Variants in NCOR2 observed in about 807,000 individuals in gnomAD.
NCOR2 encodes nuclear receptor corepressor 2, also known as CTG repeat protein 26.
A neutral mutation model predicts 262.9 loss-of-function variants in NCOR2; 81 were observed. The ratio of observed to expected loss-of-function variants is 0.31; its 90% CI spans 0.26 to 0.37. The LOEUF is 0.37. NCOR2 is among the 10% of genes least tolerant of loss of function. The pLI is 1.00. For synonymous variants in NCOR2, 1,659 were observed against 1,559.3 expected (o/e 1.06, Z -1.51); for missense variants, 3,385 against 3,621.4 (o/e 0.93, Z 1.68).
intron 4 of NCOR2, among the ~76,000 whole-genome samples, chr12:124,467,234 C>G (rs1307481673): frequency 1.1e-5 from 1 of 93,190 alleles, no homozygotes; most frequent in Non-Finnish European, 2.2e-5. Flanking sequence ...CATCACCCCC[C>G]TCATCTTCAT....
intron 8 of NCOR2, 54 bp downstream of exon 10, chr12:124,437,876 T>A: frequency 6.4e-7 from 1 of 1,551,204 alleles, no homozygotes; most frequent in Non-Finnish European, 8.8e-7. Context: ...CCCTGTGCGC[T>A]CGATTCTCCC....
intron 1 of NCOR2, among the ~76,000 whole-genome samples, chr12:124,550,917 C>A (rs907685389): frequency 2.0e-4 from 30 of 152,362 alleles, no homozygotes; most frequent in African/African-American, 7.2e-4. Context: ...CTTCCCATGG[C>A]AAGCACCAAG....
intron 27 of NCOR2, 128 bp from the exon 30 acceptor site, chr12:124,350,865 G>T: frequency 1.1e-6 from 1 of 949,124 alleles, no homozygotes; most frequent in South Asian, 1.7e-5. Flanking sequence ...CACACACACT[G>T]TCTCAAATAG....
intron 13 of NCOR2, among the ~76,000 whole-genome samples, chr12:124,412,237 T>G (rs1027604101): frequency 1.3e-5 from 2 of 152,244 alleles, no homozygotes; most frequent in African/African-American, 4.8e-5. Context: ...TTCAGAAACG[T>G]AACCATCGAA....
chr12:124,346,474 T>C (rs1744503049), intron 31 of NCOR2, 90 bp downstream of exon 33: 1 of 1,330,418 alleles, frequency 7.5e-7, no homozygotes. Flanking sequence ...TCAGCCTCGG[T>C]TTCCCCATGT....
At chr12:124,456,323 T>G (rs144006978) in intron 6 of NCOR2, among the ~76,000 whole-genome samples, 143 of 152,324 alleles carry the variant, frequency 9.4e-4, no homozygotes, top group African/African-American at 3.4e-3. Flanking sequence ...ACCAGCTCAG[T>G]GGGCACAGAT....
chr12:124,352,188 T>C (rs2037541854), intron 27 of NCOR2, among the ~76,000 whole-genome samples: 1 of 152,152 alleles, frequency 6.6e-6, no homozygotes, highest in Non-Finnish European at 1.5e-5. Context: ...AGCACAGGAT[T>C]CCTGCAGCAT....
chr12:124,367,564 G>T (rs550688995), intron 20 of NCOR2, among the ~76,000 whole-genome samples: 1 of 152,142 alleles, frequency 6.6e-6, no homozygotes, highest in African/African-American at 2.4e-5. Context: ...CTGGAGGAGC[G>T]CCACCTCCAG....
rs907250654 is a variant in NCOR2, at chr12:124,481,060, G to A, written c.411+2536C>T. On this transcript the variant is annotated intron_variant, in intron 3 of 46. Coordinates refer to ENST00000405201, the Ensembl canonical transcript of NCOR2. The surrounding 1 kb of genome is among the most constrained non-coding windows in gnomAD (Gnocchi z 4.6). ...CTCTGTGGTAGGGAGGTTGCCCCAG[G>A]GGATGAGCAGGGAGAGATGGCAGGA... Among the ~76,000 whole-genome samples the A allele has an allele frequency of 6.6e-6, 1 of 151,812 alleles. No homozygotes were observed. Among genetic ancestry groups the A allele is most frequent in the Non-Finnish European group, 1.5e-5 (1 of 67,900 alleles).
chr12:124,464,148 C>CGGAG (rs1213954112), intron 5 of NCOR2, among the ~76,000 whole-genome samples: 1 of 151,588 alleles, frequency 6.6e-6, no homozygotes, highest in Non-Finnish European at 1.5e-5. Flanking sequence ...CTGAAAACTC[C>CGGAG]TTTTCCTGAA....
intron 7 of NCOR2, among the ~76,000 whole-genome samples, chr12:124,445,914 C>T (rs778544168): frequency 1.3e-5 from 2 of 152,212 alleles, no homozygotes; most frequent in Non-Finnish European, 2.9e-5. Context: ...TTAGTGAGCA[C>T]GTCTGAAACT....
chr12:124,450,087 C>T (rs191899978), intron 6 of NCOR2, among the ~76,000 whole-genome samples: 1 of 152,216 alleles, frequency 6.6e-6, no homozygotes, highest in African/African-American at 2.4e-5. Flanking sequence ...ACTGTGACCA[C>T]CCCCACCAAG....
chr12:124,455,289 T>A (rs1468246093), intron 6 of NCOR2, among the ~76,000 whole-genome samples: 2 of 152,214 alleles, frequency 1.3e-5, no homozygotes, highest in African/African-American at 2.4e-5. Flanking sequence ...AAGCAGCAGC[T>A]GCTGCTGCTG....
intron 1 of NCOR2, among the ~76,000 whole-genome samples, chr12:124,557,455 C>T (rs1457176985): frequency 6.6e-6 from 1 of 152,226 alleles, no homozygotes; most frequent in Admixed American, 6.5e-5. Flanking sequence ...TATCGCACGG[C>T]CTTCTCCTCT....
At chr12:124,534,663 C>T (rs888581489) in intron 1 of NCOR2, among the ~76,000 whole-genome samples, 2 of 152,180 alleles carry the variant, frequency 1.3e-5, no homozygotes, top group African/African-American at 2.4e-5. Flanking sequence ...ATGCCCTCAG[C>T]GACCATCTGC....
Position 124,356,881 on chromosome 12 carries a change from C to G in NCOR2, c.3101-99G>C. 3 of 1,348,794 alleles carry G rather than the reference C, an allele frequency of 2.2e-6. No homozygotes were observed. The South Asian group carries it at 5.5e-5, about 25-fold the overall frequency. The allele number at this position is 1,348,794 out of a possible 1,614,324, so 83.6% of individuals were successfully genotyped here. ...TACACAAATGGCCTTCCTGCACCCA[C>G]AGTAGTGGTGGCCTGTGACGGCCTG... On this transcript the variant is annotated intron_variant, in intron 22 of 46. Transcript: ENST00000405201.
At chr12:124,330,653 G>T (rs1226604590) in intron 44 of NCOR2, among the ~76,000 whole-genome samples, 192 bp downstream of exon 46, 2 of 152,214 alleles carry the variant, frequency 1.3e-5, no homozygotes, top group Non-Finnish European at 2.9e-5. Context: ...CGAGGATCCT[G>T]TCTACACAGG....
At chr12:124,437,247 C>T (rs1159558124) in intron 8 of NCOR2, among the ~76,000 whole-genome samples, 1 of 152,216 alleles carries the variant, frequency 6.6e-6, no homozygotes, top group Non-Finnish European at 1.5e-5. Flanking sequence ...TGAGTCCGCG[C>T]TTCTTCCCCT....
At chr12:124,385,262 G>A (rs149459593) in intron 17 of NCOR2, among the ~76,000 whole-genome samples, 615 of 152,256 alleles carry the variant, frequency 4.0e-3, no homozygotes, top group Non-Finnish European at 6.8e-3. Context: ...GGGCTGAGAC[G>A]TCCGCCCCCG....
Sources: allele counts gnomAD v4.1 joint callset (sites outside exome capture counted in the v4.1 genomes callset), GRCh38; gene constraint gnomAD v4.1.1; non-coding constraint Gnocchi (gnomAD v3.1); transcripts MANE v1.5; gene names NCBI Gene and HGNC (gene_info 2026-07-23, HGNC 2026-07-21).